Variants in RYR3 observed in about 807,000 individuals in gnomAD.
RYR3 encodes brain ryanodine receptor-calcium release channel.
In RYR3, 207 loss-of-function variants were observed where a neutral mutation model predicts 584.3. The observed-to-expected ratio is 0.35, with a 90% CI of 0.32 to 0.40. The LOEUF is 0.40. Ranked by LOEUF, RYR3 falls within the 10% of genes least tolerant of loss-of-function variation. RYR3 has a pLI of 1.00. For missense variants in RYR3, 5,616 were observed against 6,089.2 expected (o/e 0.92, Z 2.59); for synonymous variants, 2,416 against 2,248.5 (o/e 1.07, Z -2.11).
At chr15:33,532,339 G>A (rs961124699) in intron 4 of RYR3, among the ~76,000 whole-genome samples, 5 of 152,032 alleles carry the variant, frequency 3.3e-5, no homozygotes, top group African/African-American at 1.2e-4. Flanking sequence ...GAGTTTTAAA[G>A]CTCATAGAAA....
At chr15:33,579,170 G>C (rs1212978419) in intron 12 of RYR3, among the ~76,000 whole-genome samples, 1 of 152,124 alleles carries the variant, frequency 6.6e-6, no homozygotes, top group African/African-American at 2.4e-5. Context: ...AAGGATGTTT[G>C]AGAGATAGGG....
chr15:33,351,008 C>G (rs1017966814), intron 1 of RYR3, among the ~76,000 whole-genome samples: 2 of 151,768 alleles, frequency 1.3e-5, no homozygotes, highest in Admixed American at 6.6e-5. Context: ...TTGATAGACC[C>G]CTAGCAAGAC....
intron 1 of RYR3, among the ~76,000 whole-genome samples, chr15:33,358,345 T>G (rs1292053845): frequency 6.6e-6 from 1 of 152,230 alleles, no homozygotes; most frequent in East Asian, 1.9e-4. Context: ...CTATCAACAA[T>G]AAGTGAAACT....
chr15:33,757,300 G>A (rs188729953), intron 59 of RYR3, among the ~76,000 whole-genome samples, 175 bp from the exon 60 acceptor site: 4 of 152,264 alleles, frequency 2.6e-5, no homozygotes, highest in East Asian at 1.9e-4. Context: ...ACTCTGGTTT[G>A]AGGCATAGAA....
intron 1 of RYR3, among the ~76,000 whole-genome samples, chr15:33,386,171 C>A (rs2041589046): frequency 1.3e-5 from 2 of 152,116 alleles, no homozygotes; most frequent in Admixed American, 6.5e-5. Flanking sequence ...GCCTGAAATT[C>A]TTTTCTTTCC....
In RYR3 at chr15:33,722,761, C is replaced by T; in HGVS notation, c.6666C>T (p.Ile2222=). 4 of 1,613,352 alleles carry T rather than the reference C, an allele frequency of 2.5e-6. No homozygotes were observed. Among genetic ancestry groups the T allele is most frequent in the Non-Finnish European group, 3.4e-6 (4 of 1,179,666 alleles). Residue 2222 remains isoleucine, a synonymous_variant, in exon 44 of 104, where the codon ATC becomes ATT. Coordinates refer to ENST00000634891, the MANE Select transcript of RYR3 (RefSeq NM_001036.6). ...ENASVVVKLL[I]RRPECFGPAL... is the part of the protein sequence containing the mutation. Reference sequence around the variant, plus strand: ...CCAGCGTTGTGGTCAAGCTGCTCATCAGACGCCCAGAGTGCTTCGGCCCGG... The same window carrying T: ...CCAGCGTTGTGGTCAAGCTGCTCATTAGACGCCCAGAGTGCTTCGGCCCGG...
intron 67 of RYR3, among the ~76,000 whole-genome samples, chr15:33,800,353 G>C (rs890567969): frequency 1.3e-5 from 2 of 152,192 alleles, no homozygotes; most frequent in African/African-American, 4.8e-5. Context: ...GACCAGGTTA[G>C]ATGTCTTAGT....
In RYR3 at chr15:33,865,278, A is replaced by G. The variant is rs763109140; in HGVS notation, c.*52A>G. The G allele has an allele frequency of 3.8e-4, 511 of 1,328,676 alleles. No individual in the cohort carries two copies. The highest frequency in any genetic ancestry group is 5.0e-4 in the Non-Finnish European group (469 of 930,340). 82.3% of individuals were successfully genotyped at this position (1,328,676 alleles called of 1,614,324 possible). On this transcript the variant is annotated 3_prime_UTR_variant, in exon 104 of 104. Coordinates refer to ENST00000634891, the MANE Select transcript of RYR3 (RefSeq NM_001036.6). ...CTGGACAGTCAACTTCCCATGAAAT[A>G]AAGTCCCCTTTTTACAGTTCTGCAA...
intron 97 of RYR3, 73 bp downstream of exon 97, chr15:33,854,522 G>C: frequency 7.6e-7 from 1 of 1,307,530 alleles, no homozygotes. Context: ...AAGCTATGCA[G>C]GATGCTCAGA....
At chr15:33,857,351 CCT>C (rs1430310828) in intron 98 of RYR3, among the ~76,000 whole-genome samples, 1 of 151,952 alleles carries the variant, frequency 6.6e-6, no homozygotes, top group African/African-American at 2.4e-5. Context: ...CTGTGTCTAG[CCT>C]CTCTCTCTGT....
In RYR3 at chr15:33,633,747, C is replaced by G. The variant is rs879943942; in HGVS notation, c.3027+639C>G. On this transcript the variant is annotated intron_variant, in intron 24 of 103. Coordinates refer to ENST00000634891, the MANE Select transcript of RYR3 (RefSeq NM_001036.6). ...ATACATATGAGTTTGGGTGACTTAT[C>G]ACTACAATTGTCCCTATTGTCTTCT... is the stretch of plus-strand genomic sequence containing the variant. 9.5e-4 allele frequency among the ~76,000 whole-genome samples: 145 copies of G among 152,310 alleles called. 3 individuals are homozygous for G. In the East Asian group the frequency reaches 0.024, roughly 26 times the overall value.
At chr15:33,563,372 T>C (rs1477184093) in intron 11 of RYR3, among the ~76,000 whole-genome samples, 1 of 152,216 alleles carries the variant, frequency 6.6e-6, no homozygotes, top group Non-Finnish European at 1.5e-5. Flanking sequence ...GTTTTCATAA[T>C]AGACTAAATA....
At chr15:33,417,954 TAATTCTACTTATGTGGTGAATCACATCA>T (rs2141571201) in intron 1 of RYR3, among the ~76,000 whole-genome samples, 1 of 152,334 alleles carries the variant, frequency 6.6e-6, no homozygotes, top group East Asian at 1.9e-4. Context: ...TTTTTGTTTT[TAATTCTACTTATGTGGTGAATCACATCA>T]AATTGCGTAT....
chr15:33,343,837 G>A (rs1972117072), intron 1 of RYR3, among the ~76,000 whole-genome samples: 1 of 152,172 alleles, frequency 6.6e-6, no homozygotes, highest in Non-Finnish European at 1.5e-5. Flanking sequence ...CAGTTGCTGA[G>A]TTGCTCCTAG....
chr15:33,613,202 G>T lies in RYR3; in HGVS notation c.2184G>T (p.Val728=). The T allele has an allele frequency of 6.2e-7, 1 of 1,613,722 alleles. No individual in the cohort carries two copies. The highest frequency in any genetic ancestry group is 1.1e-5 in the South Asian group (1 of 90,988). The change falls in exon 19 of 104, where the codon GTG becomes GTT. Residue 728 remains valine (V), a synonymous_variant. Coordinates refer to ENST00000634891, the MANE Select transcript of RYR3 (RefSeq NM_001036.6). ...HLWSGRIPRA[V]ASINQHLLRS... ...CACCAGGCCGGATACCCAGAGCTGT[G>T]GCTTCCATCAACCAGCACCTCCTGA...
intron 38 of RYR3, among the ~76,000 whole-genome samples, chr15:33,673,604 G>T (rs1263495375): frequency 6.6e-6 from 1 of 152,014 alleles, no homozygotes; most frequent in Non-Finnish European, 1.5e-5. Flanking sequence ...CTTTTCCAAC[G>T]CTGCAGTTTA....
intron 31 of RYR3, among the ~76,000 whole-genome samples, chr15:33,650,961 G>A (rs1401080631): frequency 6.6e-6 from 1 of 152,168 alleles, no homozygotes; most frequent in Non-Finnish European, 1.5e-5. Flanking sequence ...TAAAGTAATT[G>A]ACCAATCCAG....
chr15:33,615,676 G>T (rs2060413433), intron 19 of RYR3, among the ~76,000 whole-genome samples: 1 of 152,186 alleles, frequency 6.6e-6, no homozygotes, highest in African/African-American at 2.4e-5. Context: ...TGTTCTAAGA[G>T]TTGAAAGTTC....
chr15:33,584,556 A>AG (rs1231082379), intron 15 of RYR3, 66 bp downstream of exon 15: 1 of 738,316 alleles, frequency 1.4e-6, no homozygotes, highest in East Asian at 2.8e-5. Flanking sequence ...CTGTAAAAAA[A>AG]GAAAACAAAG....
Sources: gnomAD v4.1 joint callset for allele counts (sites outside exome capture counted in the v4.1 genomes callset) on GRCh38, gnomAD v4.1.1 for gene constraint, MANE v1.5 for transcripts, NCBI Gene and HGNC (gene_info 2026-07-23, HGNC 2026-07-21) for gene names.